BAZ2B: variants seen among roughly 807,000 people sequenced by gnomAD.
BAZ2B encodes the protein bromodomain adjacent to zinc finger domain 2B, also known as bromodomain adjacent to zinc finger domain protein 2B.
A neutral mutation model predicts 246.0 loss-of-function variants in BAZ2B; 91 were observed. The observed-to-expected ratio is 0.37, with a 90% CI of 0.31 to 0.44. The LOEUF is 0.44. Ranked by LOEUF, BAZ2B falls within the 20% of genes least tolerant of loss-of-function variation. The probability of loss-of-function intolerance (pLI) is 1.00; values close to 1 mark genes in which losing one functional copy is unlikely to be tolerated. For synonymous variants in BAZ2B, 855 were observed against 860.0 expected (o/e 0.99, Z 0.10); for missense variants, 2,332 against 2,533.7 (o/e 0.92, Z 1.71).
At chr2:159,348,929 T>A in intron 29 of BAZ2B, 78 bp downstream of exon 29, 1 of 1,557,026 alleles carries the variant, frequency 6.4e-7, no homozygotes, top group East Asian at 2.3e-5. Context: ...TATAGAACCA[T>A]CAAATATTCA....
Position 159,408,242 on chromosome 2 carries a change from A to G in BAZ2B, c.2678-3128T>C, listed in dbSNP as rs550458605. On this transcript the variant is annotated intron_variant, in intron 14 of 36. Coordinates refer to ENST00000392783, the MANE Select transcript of BAZ2B (RefSeq NM_013450.4). ...GACCCAGGTGAAGTGGTATGATCATAGCTTGCTGTAGCCTCCAACTCCTGG... is the reference window on the plus strand; with the variant it reads ...GACCCAGGTGAAGTGGTATGATCATGGCTTGCTGTAGCCTCCAACTCCTGG... Among the ~76,000 whole-genome samples the G allele has an allele frequency of 5.3e-5, 8 of 152,312 alleles. No homozygotes were observed. In the South Asian group the frequency reaches 1.7e-3, roughly 32 times the overall value.
At chr2:159,574,394 G>A (rs1293007314) in intron 1 of BAZ2B, among the ~76,000 whole-genome samples, 1 of 152,036 alleles carries the variant, frequency 6.6e-6, no homozygotes, top group Non-Finnish European at 1.5e-5. Flanking sequence ...GTAAGGATGT[G>A]GGGAAACTGG....
At chr2:159,707,297 C>T in the BAZ2B span, among the ~76,000 whole-genome samples, 8 of 152,246 alleles carry the variant, frequency 5.3e-5, no homozygotes, top group African/African-American at 1.4e-4. Context: ...CACCTATAAT[C>T]ACAGCACTTT....
chr2:159,510,684 T>A (rs1415530063), intron 2 of BAZ2B, among the ~76,000 whole-genome samples: 1 of 152,190 alleles, frequency 6.6e-6, no homozygotes, highest in Non-Finnish European at 1.5e-5. Context: ...ACTATATACT[T>A]TAAATGGGTG....
intron 1 of BAZ2B, among the ~76,000 whole-genome samples, chr2:159,586,459 G>C (rs1303208410): frequency 6.6e-6 from 1 of 152,008 alleles, no homozygotes; most frequent in East Asian, 1.9e-4. Context: ...TACCTTAAAA[G>C]TGTTACCAAT....
Position 159,412,399 on chromosome 2 carries a change from A to G in BAZ2B, c.2613T>C (p.Asn871=). Residue 871 remains asparagine, a synonymous_variant, in exon 14 of 37, where the codon AAT becomes AAC. Transcript: ENST00000392783. ...RMRRRKGRPP[N]VGNAEFLDNA... is the part of the protein sequence containing the mutation. ...TATCTAGGAATTCAGCATTGCCAAC[A>G]TTTGGAGGTCGACCTTTCCGACGTC... 6.2e-7 allele frequency: 1 copy of G among 1,614,118 alleles called. No homozygotes were observed. The highest frequency in any genetic ancestry group is 8.5e-7 in the Non-Finnish European group (1 of 1,180,012).
chr2:159,495,448 G>A (rs917355642), intron 2 of BAZ2B, among the ~76,000 whole-genome samples: 7 of 118,588 alleles, frequency 5.9e-5, no homozygotes, highest in African/African-American at 2.4e-4. Context: ...TCGCGCCTCT[G>A]CACTCCAGCC....
At chr2:159,458,738 T>C (rs2076083813) in intron 3 of BAZ2B, 1 of 152,226 alleles carries the variant, frequency 6.6e-6, no homozygotes, top group Admixed American at 6.5e-5. Context: ...TATTGGATTT[T>C]CTTTTGCTTT....
At chr2:159,574,518 G>C (rs903223914) in intron 1 of BAZ2B, among the ~76,000 whole-genome samples, 3 of 151,996 alleles carry the variant, frequency 2.0e-5, no homozygotes, top group South Asian at 2.1e-4. Context: ...TCCATTCCTA[G>C]TTATATGCAC....
intron 1 of BAZ2B, among the ~76,000 whole-genome samples, chr2:159,588,775 C>T (rs1688639798): frequency 6.6e-6 from 1 of 152,092 alleles, no homozygotes; most frequent in South Asian, 2.1e-4. Flanking sequence ...ACTTTATTTA[C>T]AAATAAATCA....
intron 1 of BAZ2B, among the ~76,000 whole-genome samples, chr2:159,560,571 AC>A (rs2089730573): frequency 1.3e-5 from 2 of 149,232 alleles, no homozygotes; most frequent in Non-Finnish European, 1.5e-5. Flanking sequence ...TTATAAAGCA[AC>A]TTTTTTTTTT....
intron 2 of BAZ2B, among the ~76,000 whole-genome samples, chr2:159,534,148 T>C (rs1336540789): frequency 2.0e-5 from 3 of 152,230 alleles, no homozygotes; most frequent in Non-Finnish European, 4.4e-5. Flanking sequence ...ATAAAGTGTG[T>C]TTCTGAAGGG....
At chr2:159,509,262 A>G (rs1188740472) in intron 2 of BAZ2B, among the ~76,000 whole-genome samples, 1 of 152,204 alleles carries the variant, frequency 6.6e-6, no homozygotes, top group Non-Finnish European at 1.5e-5. Flanking sequence ...CAACTAATAG[A>G]TATCTTAAAA....
At chr2:159,631,522 CCT>C in the BAZ2B span, among the ~76,000 whole-genome samples, 1 of 152,014 alleles carries the variant, frequency 6.6e-6, no homozygotes, top group South Asian at 2.1e-4. Flanking sequence ...CTTAGAATAC[CCT>C]GTCACACCAG....
intron 16 of BAZ2B, among the ~76,000 whole-genome samples, chr2:159,402,138 G>A (rs2065175532): frequency 6.6e-6 from 1 of 152,068 alleles, no homozygotes; most frequent in South Asian, 2.1e-4. Flanking sequence ...ATTAATTGTA[G>A]GCTGTCAAAA....
At chr2:159,548,723 C>T (rs560680643) in intron 2 of BAZ2B, among the ~76,000 whole-genome samples, 1 of 152,200 alleles carries the variant, frequency 6.6e-6, no homozygotes, top group East Asian at 1.9e-4. Context: ...TGCTTGAGGC[C>T]AGGAGTTTGA....
intron 34 of BAZ2B, among the ~76,000 whole-genome samples, chr2:159,328,337 T>C (rs1324313765): frequency 6.6e-6 from 1 of 152,188 alleles, no homozygotes; most frequent in Non-Finnish European, 1.5e-5. Context: ...AAGCAAAACT[T>C]ATCAGATTTC....
chr2:159,436,753 A>AAAAAAG (rs2072420105), intron 8 of BAZ2B, among the ~76,000 whole-genome samples: 2 of 152,216 alleles, frequency 1.3e-5, no homozygotes, highest in Admixed American at 6.5e-5. Context: ...TCTGTCTCAA[A>AAAAAAG]AAAAAGAAAA....
At chr2:159,335,440 G>C (rs1257705997) in intron 33 of BAZ2B, among the ~76,000 whole-genome samples, 1 of 151,528 alleles carries the variant, frequency 6.6e-6, no homozygotes, top group Non-Finnish European at 1.5e-5. Context: ...CCAGCTACTC[G>C]GGAGGCTGAG....
Sources: gnomAD v4.1 joint callset for allele counts (sites outside exome capture counted in the v4.1 genomes callset) on GRCh38, gnomAD v4.1.1 for gene constraint, MANE v1.5 for transcripts, NCBI Gene and HGNC (gene_info 2026-07-23, HGNC 2026-07-21) for gene names.